Variants in PLCB1 observed in about 807,000 individuals in gnomAD.
PLCB1 encodes 1-phosphatidylinositol 4,5-bisphosphate phosphodiesterase beta-1.
In PLCB1, 46 loss-of-function variants were observed where a neutral mutation model predicts 161.8. The observed-to-expected ratio is 0.28, with a 90% CI of 0.22 to 0.36. The LOEUF is 0.36. Ranked by LOEUF, PLCB1 falls within the 10% of genes least tolerant of loss-of-function variation. The pLI, the probability that PLCB1 is intolerant of heterozygous loss-of-function variation, is 1.00. For missense variants in PLCB1, 1,016 were observed against 1,472.5 expected, an observed-to-expected ratio of 0.69 and a Z score of 5.07; for synonymous variants, 517 against 503.7, an observed-to-expected ratio of 1.03 and a Z score of -0.35.
intron 11 of PLCB1, among the ~76,000 whole-genome samples, chr20:8,699,643 T>G (rs1291298323): frequency 6.6e-6 from 1 of 152,206 alleles, no homozygotes; most frequent in East Asian, 1.9e-4. Context: ...AGAAGCAAGA[T>G]TTTCAAGGGA....
intron 1 of PLCB1, among the ~76,000 whole-genome samples, chr20:8,136,257 T>C (rs1347371837): frequency 1.3e-5 from 2 of 152,156 alleles, no homozygotes; most frequent in African/African-American, 2.4e-5. Flanking sequence ...GCTGTTGAGG[T>C]TAAATAAATG....
intron 31 of PLCB1, among the ~76,000 whole-genome samples, chr20:8,800,962 A>G (rs896991313): frequency 2.6e-5 from 4 of 152,156 alleles, no homozygotes; most frequent in Admixed American, 6.5e-5. Context: ...TCCTGCTGCC[A>G]CATGTACACA....
At chr20:8,349,237 AG>A (rs1986099934) in intron 2 of PLCB1, among the ~76,000 whole-genome samples, 1 of 152,238 alleles carries the variant, frequency 6.6e-6, no homozygotes, top group South Asian at 2.1e-4. Flanking sequence ...GAAGATTAAA[AG>A]GAAAGATTAG....
At chr20:8,733,478 A>C (rs1568577184) in intron 19 of PLCB1, 86 bp downstream of exon 19, 2 of 1,130,102 alleles carry the variant, frequency 1.8e-6, no homozygotes, top group East Asian at 2.4e-5. Context: ...GTCATTAAAA[A>C]TTTAGTAACT....
chr20:8,134,196 G>A (rs1294582798), intron 1 of PLCB1, among the ~76,000 whole-genome samples: 1 of 152,160 alleles, frequency 6.6e-6, no homozygotes, highest in East Asian at 1.9e-4. Flanking sequence ...TTCAGACGCA[G>A]ATTAAATGCT....
intron 20 of PLCB1, 55 bp downstream of exon 20, chr20:8,737,247 C>T: frequency 1.5e-6 from 2 of 1,322,906 alleles, no homozygotes; most frequent in Middle Eastern, 1.8e-4. Flanking sequence ...GTGTTTTACA[C>T]TGAGAAAATA....
intron 4 of PLCB1, among the ~76,000 whole-genome samples, chr20:8,641,949 T>C (rs114529783): frequency 6.6e-6 from 1 of 152,240 alleles, no homozygotes; most frequent in Non-Finnish European, 1.5e-5. Flanking sequence ...AAACGACCCA[T>C]TGCACTTGAT....
At chr20:8,246,302 A>T (rs986731095) in intron 2 of PLCB1, among the ~76,000 whole-genome samples, 1 of 151,936 alleles carries the variant, frequency 6.6e-6, no homozygotes, top group South Asian at 2.1e-4. Context: ...AGCATCTATG[A>T]TAAGCTGCTG....
chr20:8,731,459 A>C (rs931573290), intron 18 of PLCB1, among the ~76,000 whole-genome samples: 2 of 151,948 alleles, frequency 1.3e-5, no homozygotes, highest in African/African-American at 2.4e-5. Flanking sequence ...CTTTCTCTTC[A>C]TCCTGATCCT....
intron 3 of PLCB1, among the ~76,000 whole-genome samples, chr20:8,613,863 C>T (rs1987971694): frequency 6.6e-6 from 1 of 151,302 alleles, no homozygotes; most frequent in Non-Finnish European, 1.5e-5. Context: ...ATTGATAGAA[C>T]CAAATATAAA....
intron 14 of PLCB1, among the ~76,000 whole-genome samples, chr20:8,718,742 C>CT (rs1246432869): frequency 6.6e-6 from 1 of 152,186 alleles, no homozygotes; most frequent in African/African-American, 2.4e-5. Context: ...AGAGACATCT[C>CT]TGGGAGGTCA....
chr20:8,556,058 C>T (rs1011185861), intron 3 of PLCB1, among the ~76,000 whole-genome samples: 11 of 151,842 alleles, frequency 7.2e-5, no homozygotes, highest in African/African-American at 2.7e-4. Flanking sequence ...CTTTGCTTGA[C>T]CAAAGATTTA....
chr20:8,523,496 C>CTCTCTCTCTCTCTCTCTCTCTCTATATA, intron 3 of PLCB1, among the ~76,000 whole-genome samples: 3 of 51,652 alleles, frequency 5.8e-5, no homozygotes, highest in African/African-American at 8.3e-5. Context: ...CTCTCTCTCT[C>CTCTCTCTCTCTCTCTCTCTCTCTATATA]TATATATATA....
intron 2 of PLCB1, among the ~76,000 whole-genome samples, chr20:8,291,979 T>G (rs1476772879): frequency 6.6e-6 from 1 of 152,212 alleles, no homozygotes; most frequent in African/African-American, 2.4e-5. Flanking sequence ...TCTGGAATGT[T>G]GCCCAGGCTC....
intron 2 of PLCB1, among the ~76,000 whole-genome samples, chr20:8,189,222 T>C (rs1209772307): frequency 1.3e-5 from 2 of 151,600 alleles, no homozygotes; most frequent in Non-Finnish European, 2.9e-5. Context: ...AGATTTTTGC[T>C]AAGTGAATAG....
At chr20:8,692,134 G>T (rs565546937) in intron 10 of PLCB1, among the ~76,000 whole-genome samples, 1 of 152,128 alleles carries the variant, frequency 6.6e-6, no homozygotes, top group Non-Finnish European at 1.5e-5. Flanking sequence ...TGAGGGTTTT[G>T]CTATCCCCAA....
intron 2 of PLCB1, among the ~76,000 whole-genome samples, chr20:8,299,292 T>C (rs1005095547): frequency 2.0e-5 from 3 of 152,184 alleles, no homozygotes; most frequent in Admixed American, 2.0e-4. Context: ...AATTATGCTG[T>C]AAAACAGTGG....
At chr20:8,595,810 G>A (rs10460634) in intron 3 of PLCB1, among the ~76,000 whole-genome samples, 11 of 137,236 alleles carry the variant, frequency 8.0e-5, no homozygotes, top group African/African-American at 2.4e-4. Context: ...GTGTGAGATG[G>A]TATCTCATTG....
At chr20:8,457,619 A>G (rs1018943112) in intron 3 of PLCB1, among the ~76,000 whole-genome samples, 4 of 152,078 alleles carry the variant, frequency 2.6e-5, no homozygotes, top group African/African-American at 9.7e-5. Flanking sequence ...CATTACTAGG[A>G]TAGAGAATTC....
Sources: gnomAD v4.1 joint callset for allele counts (sites outside exome capture counted in the v4.1 genomes callset) on GRCh38, gnomAD v4.1.1 for gene constraint, MANE v1.5 for transcripts, NCBI Gene and HGNC (gene_info 2026-07-23, HGNC 2026-07-21) for gene names.